Variants in METTL25 observed in about 807,000 individuals in gnomAD.
METTL25 encodes the protein methyltransferase like 25.
Under a neutral mutation model 71.6 loss-of-function variants are expected in METTL25, and 64 were observed. The observed-to-expected ratio is 0.89, with a 90% confidence interval of 0.73 to 1.10. The LOEUF is 1.10. METTL25 is among the 50% of genes least tolerant of loss of function. The pLI is 0.00. For missense variants in METTL25, 807 were observed against 707.0 expected, an observed-to-expected ratio of 1.14 and a Z score of -1.60; for synonymous variants, 287 against 250.3, an observed-to-expected ratio of 1.15 and a Z score of -1.38.
At chr12:82,435,986 A>G (rs919971927) in intron 7 of METTL25, among the ~76,000 whole-genome samples, 6 of 151,448 alleles carry the variant, frequency 4.0e-5, no homozygotes, top group South Asian at 4.1e-4. Context: ...AACAAAGACT[A>G]AGACTTGAAT....
At chr12:82,384,057 A>G (rs577767490) in intron 1 of METTL25, among the ~76,000 whole-genome samples, 10 of 152,322 alleles carry the variant, frequency 6.6e-5, no homozygotes, top group African/African-American at 1.7e-4. Context: ...AGTAAAGATG[A>G]TAAGTAAAGC....
chr12:82,392,239 A>G (rs189394737), intron 3 of METTL25, among the ~76,000 whole-genome samples: 3 of 148,562 alleles, frequency 2.0e-5, no homozygotes, highest in East Asian at 4.0e-4. Context: ...ATATCTCCCA[A>G]TGCTATCCCT....
At chr12:82,363,615 T>C (rs772108183) in intron 1 of METTL25, among the ~76,000 whole-genome samples, 2 of 152,020 alleles carry the variant, frequency 1.3e-5, no homozygotes, top group Non-Finnish European at 2.9e-5. Flanking sequence ...TCAAAACAAG[T>C]TGACTTCCCA....
intron 8 of METTL25, among the ~76,000 whole-genome samples, chr12:82,446,672 A>G (rs1237877364): frequency 1.4e-5 from 2 of 146,768 alleles, no homozygotes; most frequent in South Asian, 2.1e-4. Flanking sequence ...GCTGGAGTGC[A>G]GTGGTGCAGT....
At chr12:82,420,774 C>A (rs549191410) in intron 5 of METTL25, among the ~76,000 whole-genome samples, 1 of 151,766 alleles carries the variant, frequency 6.6e-6, no homozygotes, top group East Asian at 1.9e-4. Context: ...GGATTGGGGT[C>A]TTAATATTAA....
At chr12:82,418,441 C>A (rs1888177133) in intron 5 of METTL25, among the ~76,000 whole-genome samples, 1 of 152,098 alleles carries the variant, frequency 6.6e-6, no homozygotes, top group Non-Finnish European at 1.5e-5. Flanking sequence ...TAGCCACCTC[C>A]CGTTGCTATT....
intron 8 of METTL25, among the ~76,000 whole-genome samples, chr12:82,447,384 G>A (rs2137221224): frequency 6.6e-6 from 1 of 152,260 alleles, no homozygotes; most frequent in Non-Finnish European, 1.5e-5. Flanking sequence ...TTACATTCAT[G>A]TATATAGAAG....
intron 1 of METTL25, among the ~76,000 whole-genome samples, chr12:82,373,716 C>G (rs139095176): frequency 2.0e-5 from 3 of 152,178 alleles, no homozygotes; most frequent in African/African-American, 7.2e-5. Flanking sequence ...TGGCTTTTCT[C>G]TCTGTCAACC....
intron 9 of METTL25, among the ~76,000 whole-genome samples, chr12:82,471,598 G>A (rs549551830): frequency 2.6e-4 from 39 of 152,276 alleles, no homozygotes; most frequent in Non-Finnish European, 5.4e-4. Context: ...TAACATTAGG[G>A]CACATTGTTC....
intron 1 of METTL25, among the ~76,000 whole-genome samples, chr12:82,370,778 C>T (rs1221832865): frequency 6.6e-6 from 1 of 151,812 alleles, no homozygotes; most frequent in Non-Finnish European, 1.5e-5. Flanking sequence ...TTGTCTCTTC[C>T]TCCCTCTCTC....
At chr12:82,385,557 T>G (rs923343641) in intron 1 of METTL25, among the ~76,000 whole-genome samples, 5 of 152,148 alleles carry the variant, frequency 3.3e-5, no homozygotes, top group African/African-American at 1.2e-4. Context: ...TCTATTGAGC[T>G]CCTTTGAACC....
At chr12:82,393,743 G>C (rs1338029881) in intron 3 of METTL25, among the ~76,000 whole-genome samples, 1 of 151,876 alleles carries the variant, frequency 6.6e-6, no homozygotes, top group African/African-American at 2.4e-5. Context: ...TCAGTATGAT[G>C]CTAGATGTGG....
At chr12:82,360,906 G>A (rs1042144144) in intron 1 of METTL25, among the ~76,000 whole-genome samples, 3 of 152,156 alleles carry the variant, frequency 2.0e-5, no homozygotes, top group Non-Finnish European at 4.4e-5. Context: ...TGGCGGGTTC[G>A]TGGTCTCGCT....
chr12:82,443,352 A>G (rs1003433646), intron 8 of METTL25, among the ~76,000 whole-genome samples: 2 of 152,008 alleles, frequency 1.3e-5, no homozygotes, highest in African/African-American at 4.8e-5. Flanking sequence ...TACCAGCTGA[A>G]TTCTCAGCAT....
chr12:82,416,478 C>G (rs1185547142), intron 5 of METTL25, among the ~76,000 whole-genome samples: 1 of 131,790 alleles, frequency 7.6e-6, no homozygotes, highest in Admixed American at 8.5e-5. Flanking sequence ...GGGTCTCACT[C>G]TGTTGTCCAG....
chr12:82,370,569 C>T (rs371335298), intron 1 of METTL25, among the ~76,000 whole-genome samples: 31 of 152,254 alleles, frequency 2.0e-4, no homozygotes, highest in South Asian at 8.3e-4. Flanking sequence ...TAGTCCTTGG[C>T]GGTTTTGGAC....
At chr12:82,370,082 G>C (rs1883051625) in intron 1 of METTL25, among the ~76,000 whole-genome samples, 1 of 152,134 alleles carries the variant, frequency 6.6e-6, no homozygotes, top group Non-Finnish European at 1.5e-5. Flanking sequence ...AACTGCTGTT[G>C]GGAATCGGCC....
At chr12:82,449,499 T>A (rs1250664965) in intron 8 of METTL25, among the ~76,000 whole-genome samples, 1 of 152,184 alleles carries the variant, frequency 6.6e-6, no homozygotes, top group Non-Finnish European at 1.5e-5. Flanking sequence ...TCTCTCTACC[T>A]GGAATATTCT....
chr12:82,418,929 G>A (rs1159726086), intron 5 of METTL25, among the ~76,000 whole-genome samples: 1 of 152,160 alleles, frequency 6.6e-6, no homozygotes. Flanking sequence ...TTGAGAAAAA[G>A]TGAAGTCATT....
Sources: gnomAD v4.1 joint callset for allele counts (sites outside exome capture counted in the v4.1 genomes callset) on GRCh38, gnomAD v4.1.1 for gene constraint, MANE v1.5 for transcripts, NCBI Gene and HGNC (gene_info 2026-07-23, HGNC 2026-07-21) for gene names.